Variants in XKR9 observed in about 807,000 individuals in gnomAD.
XKR9 encodes the protein XK related 9.
In XKR9, 32 loss-of-function variants were observed where a neutral mutation model predicts 32.0. The ratio of observed to expected loss-of-function variants is 1.00; its 90% CI spans 0.76 to 1.34. XKR9 has a LOEUF of 1.34. Ranked by LOEUF, XKR9 falls within the 40% of genes most tolerant of loss-of-function variation. The probability of loss-of-function intolerance (pLI) is 0.00; values close to 1 mark genes in which losing one functional copy is unlikely to be tolerated. For synonymous variants in XKR9, 168 were observed against 143.4 expected, an observed-to-expected ratio of 1.17 and a Z score of -1.22; for missense variants, 546 against 429.7, an observed-to-expected ratio of 1.27 and a Z score of -2.39.
the XKR9 span, among the ~76,000 whole-genome samples, chr8:71,045,699 G>A: frequency 6.6e-6 from 1 of 152,178 alleles, no homozygotes; most frequent in Non-Finnish European, 1.5e-5. Context: ...CCTCAGTGGG[G>A]GAATTCTCTC....
chr8:70,748,665 G>T (rs1807092396), intron 2 of XKR9, among the ~76,000 whole-genome samples: 3 of 152,202 alleles, frequency 2.0e-5, no homozygotes, highest in Admixed American at 1.3e-4. Flanking sequence ...CAGGTTCCTG[G>T]TGGAAAAGGG....
the XKR9 span, among the ~76,000 whole-genome samples, chr8:70,798,758 T>G: frequency 1.3e-5 from 2 of 152,222 alleles, no homozygotes; most frequent in African/African-American, 4.8e-5. Context: ...CTTCAATCTT[T>G]TGCACATGGC....
the XKR9 span, among the ~76,000 whole-genome samples, chr8:70,872,261 G>A: frequency 3.3e-5 from 5 of 152,322 alleles, no homozygotes; most frequent in East Asian, 7.7e-4. Flanking sequence ...GAAGAGAAAA[G>A]CAGCCACAAC....
At chr8:70,760,206 C>A (rs1164270530) in intron 2 of XKR9, among the ~76,000 whole-genome samples, 1 of 152,064 alleles carries the variant, frequency 6.6e-6, no homozygotes, top group Non-Finnish European at 1.5e-5. Context: ...TCAGTTTACT[C>A]GTAAGTAAGA....
chr8:70,827,898 A>T, the XKR9 span, among the ~76,000 whole-genome samples: 1 of 152,222 alleles, frequency 6.6e-6, no homozygotes, highest in Non-Finnish European at 1.5e-5. Flanking sequence ...CATTTTTATC[A>T]CTAGTAGATA....
the XKR9 span, among the ~76,000 whole-genome samples, chr8:70,891,485 T>A: frequency 3.9e-5 from 6 of 152,142 alleles, no homozygotes; most frequent in African/African-American, 1.4e-4. Context: ...TGGTGTGTTG[T>A]ATTTCTTTTT....
At chr8:70,728,700 C>T (rs544087427) in intron 4 of XKR9, among the ~76,000 whole-genome samples, 1 of 152,068 alleles carries the variant, frequency 6.6e-6, no homozygotes, top group African/African-American at 2.4e-5. Flanking sequence ...CTCTCCAGTC[C>T]CCATTTTTAT....
downstream of XKR9, among the ~76,000 whole-genome samples, chr8:70,740,170 TTTA>T (rs1455199566): frequency 5.9e-5 from 9 of 152,294 alleles, no homozygotes; most frequent in East Asian, 1.5e-3. Context: ...TTCGTTTCTT[TTTA>T]TTCTTTTTTC....
the XKR9 span, among the ~76,000 whole-genome samples, chr8:70,856,771 A>G: frequency 4.6e-5 from 7 of 151,996 alleles, no homozygotes; most frequent in Admixed American, 3.9e-4. Flanking sequence ...ATAACAAACC[A>G]TCTCTCAGAC....
chr8:70,861,239 T>A, the XKR9 span, among the ~76,000 whole-genome samples: 2 of 152,266 alleles, frequency 1.3e-5, no homozygotes, highest in African/African-American at 2.4e-5. Context: ...CTGCCTGAGT[T>A]TGGATCCTGG....
intron 2 of XKR9, among the ~76,000 whole-genome samples, chr8:70,745,801 A>T (rs1807050641): frequency 6.6e-6 from 1 of 152,250 alleles, no homozygotes; most frequent in South Asian, 2.1e-4. Flanking sequence ...CACCAAAGCC[A>T]AACATTAATT....
At chr8:70,886,267 C>T in the XKR9 span, among the ~76,000 whole-genome samples, 12 of 152,318 alleles carry the variant, frequency 7.9e-5, no homozygotes, top group African/African-American at 2.9e-4. Context: ...ATATGTGTCA[C>T]ATTTTCTTAA....
chr8:71,018,520 G>A, the XKR9 span, among the ~76,000 whole-genome samples: 1 of 152,170 alleles, frequency 6.6e-6, no homozygotes, highest in South Asian at 2.1e-4. Flanking sequence ...AGTAACCCAG[G>A]TTATAAATAG....
chr8:70,848,394 T>C, the XKR9 span, among the ~76,000 whole-genome samples: 3 of 151,716 alleles, frequency 2.0e-5, no homozygotes, highest in African/African-American at 7.3e-5. Context: ...CTGGAACAAG[T>C]CAAGAAGACA....
the XKR9 span, among the ~76,000 whole-genome samples, chr8:70,865,585 T>G: frequency 6.6e-6 from 1 of 152,202 alleles, no homozygotes. Flanking sequence ...TGAGTCCAGG[T>G]GATTCTCTGT....
At chr8:70,724,722 C>T (rs1806403872) in intron 4 of XKR9, among the ~76,000 whole-genome samples, 1 of 152,136 alleles carries the variant, frequency 6.6e-6, no homozygotes, top group Non-Finnish European at 1.5e-5. Context: ...TCTAACCAGT[C>T]CCAATGAGAT....
At chr8:70,924,752 G>A in the XKR9 span, among the ~76,000 whole-genome samples, 3 of 152,254 alleles carry the variant, frequency 2.0e-5, no homozygotes, top group African/African-American at 7.2e-5. Context: ...GAAGACCCAG[G>A]ACAAAAAGAG....
chr8:71,003,326 C>T, the XKR9 span, among the ~76,000 whole-genome samples: 5 of 152,146 alleles, frequency 3.3e-5, no homozygotes, highest in East Asian at 1.9e-4. Flanking sequence ...TATGAAATAA[C>T]GAGCAATTCT....
intron 4 of XKR9, among the ~76,000 whole-genome samples, chr8:70,711,793 C>A (rs997133036): frequency 1.1e-5 from 1 of 87,364 alleles, no homozygotes; most frequent in Admixed American, 1.1e-4. Flanking sequence ...GGAAGAAAAA[C>A]ACAAAGAGGG....
Sources: allele counts gnomAD v4.1 joint callset (sites outside exome capture counted in the v4.1 genomes callset), GRCh38; gene constraint gnomAD v4.1.1; transcripts MANE v1.5; gene names NCBI Gene and HGNC (gene_info 2026-07-23, HGNC 2026-07-21).